METTL15: variants seen among roughly 807,000 people sequenced by gnomAD.
METTL15 encodes methyltransferase 15, mitochondrial 12S rRNA N4-cytidine, also known as 12S rRNA N(4)-cytidine methyltransferase METTL15.
In METTL15, 34 loss-of-function variants were observed where a neutral mutation model predicts 38.3. The observed-to-expected ratio is 0.89, with a 90% CI of 0.68 to 1.18. The LOEUF (loss-of-function observed/expected upper bound fraction) is 1.18. METTL15 is among the 50% of genes most tolerant of loss of function. The pLI is 0.00. For synonymous variants in METTL15, 162 were observed against 170.9 expected (o/e 0.95, Z 0.41); for missense variants, 438 against 498.4 (o/e 0.88, Z 1.15).
intron 6 of METTL15, among the ~76,000 whole-genome samples, chr11:28,463,701 AG>A (rs1331070858): frequency 6.6e-6 from 1 of 151,844 alleles, no homozygotes; most frequent in African/African-American, 2.4e-5. Flanking sequence ...CCAAAATCCC[AG>A]GGACTTAGTA....
chr11:28,355,342 A>G lies in METTL15; in HGVS notation c.*258+3184A>G, dbSNP rs529878291. Among the ~76,000 whole-genome samples the G allele has an allele frequency of 5.3e-5, 8 of 152,324 alleles. 1 individual carries two copies. Among genetic ancestry groups the G allele is most frequent in the African/African-American group, 1.9e-4 (8 of 41,584 alleles). On this transcript the variant is annotated intron_variant and NMD_transcript_variant, in intron 4 of 7. Transcript: ENST00000532947. ...CCAATCAATCCAAGAGCCTGGGGGAAAAATTTTATTTAAAGTATGTCAATT... is the reference window on the plus strand; with the variant it reads ...CCAATCAATCCAAGAGCCTGGGGGAGAAATTTTATTTAAAGTATGTCAATT...
intron 6 of METTL15, among the ~76,000 whole-genome samples, chr11:28,466,771 G>A (rs1851260703): frequency 6.6e-6 from 1 of 152,146 alleles, no homozygotes; most frequent in Non-Finnish European, 1.5e-5. Context: ...TTTTAGGAGG[G>A]CTGGTGTGGG....
At chr11:28,143,505 G>C (rs1166540118) in intron 3 of METTL15, among the ~76,000 whole-genome samples, 1 of 151,994 alleles carries the variant, frequency 6.6e-6, no homozygotes, top group African/African-American at 2.4e-5. Flanking sequence ...CTCTCATCCA[G>C]GCTAGTTTTA....
At chr11:28,441,384 A>G (rs1190109599) in intron 6 of METTL15, among the ~76,000 whole-genome samples, 10 of 152,146 alleles carry the variant, frequency 6.6e-5, no homozygotes, top group Admixed American at 5.9e-4. Context: ...CAGACCCTCT[A>G]TGACAACATT....
intron 3 of METTL15, chr11:28,163,526 C>G: frequency 2.5e-6 from 1 of 397,074 alleles, no homozygotes; most frequent in Non-Finnish European, 4.4e-6. Flanking sequence ...CTTCTTCTTA[C>G]TGATCTCTCT....
Position 28,155,874 on chromosome 11 carries a change from A to G in METTL15, c.270+42270A>G, listed in dbSNP as rs568923090. On this transcript the variant is annotated intron_variant, in intron 3 of 6. Coordinates refer to ENST00000407364, the MANE Select transcript of METTL15 (RefSeq NM_001113528.2). ...ATTACAATTTTTTAAAAGGTTTTTT[A>G]CTAAGAATCTTATAAGGATTACATC... Among the ~76,000 whole-genome samples the G allele has an allele frequency of 1.2e-4, 19 of 152,308 alleles. No homozygotes were observed. In the East Asian group the frequency reaches 3.1e-3, roughly 25 times the overall value.
At chr11:28,165,194 G>A (rs893669004) in intron 3 of METTL15, among the ~76,000 whole-genome samples, 4 of 152,062 alleles carry the variant, frequency 2.6e-5, no homozygotes, top group African/African-American at 9.6e-5. Flanking sequence ...CAGTTATCTT[G>A]TATCATCTAG....
intron 4 of METTL15, among the ~76,000 whole-genome samples, chr11:28,245,506 A>T (rs746250324): frequency 2.0e-5 from 3 of 152,158 alleles, no homozygotes; most frequent in Non-Finnish European, 2.9e-5. Flanking sequence ...AAAAAGTATC[A>T]CATGAAAATC....
At chr11:28,392,195 C>T (rs990951890) in intron 5 of METTL15, among the ~76,000 whole-genome samples, 1 of 151,716 alleles carries the variant, frequency 6.6e-6, no homozygotes, top group African/African-American at 2.4e-5. Context: ...TTTATGCAGC[C>T]AAAAGACATA....
chr11:28,137,788 A>T (rs11500202), intron 3 of METTL15, among the ~76,000 whole-genome samples: 12,462 of 143,658 alleles, frequency 0.087, 893 homozygotes, highest in East Asian at 0.36. Flanking sequence ...TACAGCTTTT[A>T]TTTTTTTTTT....
chr11:28,189,479 T>G (rs1254584793), intron 3 of METTL15, among the ~76,000 whole-genome samples: 2 of 151,322 alleles, frequency 1.3e-5, no homozygotes, highest in African/African-American at 4.8e-5. Flanking sequence ...CTAATTGGAA[T>G]AATGTAGTTT....
chr11:28,457,104 C>A (rs948442887), intron 6 of METTL15, among the ~76,000 whole-genome samples: 2 of 152,150 alleles, frequency 1.3e-5, no homozygotes, highest in Non-Finnish European at 2.9e-5. Flanking sequence ...GTTACTGCAA[C>A]TATTCTTGGT....
chr11:28,377,110 A>T (rs1026813262), intron 5 of METTL15, among the ~76,000 whole-genome samples: 117 of 141,644 alleles, frequency 8.3e-4, no homozygotes, highest in African/African-American at 2.8e-3. Flanking sequence ...CTTCATTTCA[A>T]CTTTGGTGAA....
intron 4 of METTL15, among the ~76,000 whole-genome samples, chr11:28,218,117 G>A (rs559987982): frequency 2.6e-5 from 4 of 152,138 alleles, no homozygotes; most frequent in African/African-American, 9.6e-5. Flanking sequence ...AGCTTGATGG[G>A]GATGGCATTG....
chr11:28,431,808 G>GAAAAAAAAAAA (rs1186274147), intron 6 of METTL15, among the ~76,000 whole-genome samples: 1 of 87,074 alleles, frequency 1.1e-5, no homozygotes. Flanking sequence ...AAAAAAAAAA[G>GAAAAAAAAAAA]AAAAAAAAAA....
At chr11:28,431,922 A>G (rs1850935563) in intron 6 of METTL15, among the ~76,000 whole-genome samples, 1 of 152,124 alleles carries the variant, frequency 6.6e-6, no homozygotes, top group South Asian at 2.1e-4. Context: ...AGCTAATTGG[A>G]CAACAAGCAA....
chr11:28,270,220 C>G (rs930122434), intron 4 of METTL15, among the ~76,000 whole-genome samples: 3 of 151,978 alleles, frequency 2.0e-5, no homozygotes, highest in Admixed American at 6.6e-5. Context: ...CCCGTGTTGG[C>G]ATTTTTTTGT....
chr11:28,237,166 A>C (rs1255857100), intron 4 of METTL15, among the ~76,000 whole-genome samples: 13 of 151,922 alleles, frequency 8.6e-5, no homozygotes, highest in Admixed American at 8.5e-4. Flanking sequence ...TAGTTTGGGG[A>C]AGTTCTCCTG....
intron 6 of METTL15, among the ~76,000 whole-genome samples, chr11:28,432,277 T>C (rs950490546): frequency 6.6e-6 from 1 of 152,240 alleles, no homozygotes; most frequent in African/African-American, 2.4e-5. Flanking sequence ...TTGTATTGTC[T>C]TCATGATATT....
Sources: allele counts gnomAD v4.1 joint callset (sites outside exome capture counted in the v4.1 genomes callset), GRCh38; gene constraint gnomAD v4.1.1; transcripts MANE v1.5; gene names NCBI Gene and HGNC (gene_info 2026-07-23, HGNC 2026-07-21).